Variants in WDR1 observed in about 807,000 individuals in gnomAD.
WDR1 encodes WD repeat-containing protein 1.
Under a neutral mutation model 71.9 loss-of-function variants are expected in WDR1, and 21 were observed. The ratio of observed to expected loss-of-function variants is 0.29; its 90% CI spans 0.21 to 0.42. The LOEUF is 0.42. WDR1 is among the 10% of genes least tolerant of loss of function. The pLI is 1.00. For missense variants in WDR1, 696 were observed against 824.5 expected (o/e 0.84, Z 1.91); for synonymous variants, 424 against 347.4 (o/e 1.22, Z -2.45).
intron 2 of WDR1, among the ~76,000 whole-genome samples, chr4:10,114,372 C>A (rs1713577603): frequency 6.6e-6 from 1 of 152,188 alleles, no homozygotes; most frequent in Non-Finnish European, 1.5e-5. Flanking sequence ...CCATTAGAAG[C>A]AGCTCCAGTT....
chr4:10,086,181 A>G (rs942411389), intron 8 of WDR1, among the ~76,000 whole-genome samples: 1 of 152,196 alleles, frequency 6.6e-6, no homozygotes, highest in African/African-American at 2.4e-5. Flanking sequence ...TCCCACTTGG[A>G]GGCCCACTGG....
At chr4:10,085,393 T>C (rs150506166) in intron 8 of WDR1, among the ~76,000 whole-genome samples, 2 of 152,334 alleles carry the variant, frequency 1.3e-5, no homozygotes, top group African/African-American at 4.8e-5. Flanking sequence ...GGGCAACGAA[T>C]GCAGCTACTT....
At chr4:10,112,660 G>A (rs887058987) in intron 2 of WDR1, among the ~76,000 whole-genome samples, 1 of 152,194 alleles carries the variant, frequency 6.6e-6, no homozygotes, top group African/African-American at 2.4e-5. Flanking sequence ...AGGTATGAAA[G>A]GCGATTCCAC....
At chr4:10,101,467 C>A (rs1356184803) in intron 3 of WDR1, among the ~76,000 whole-genome samples, 2 of 152,198 alleles carry the variant, frequency 1.3e-5, no homozygotes, top group Non-Finnish European at 2.9e-5. Context: ...TAAGCCTTAA[C>A]AATTGCTTCG....
Position 10,092,959 on chromosome 4 carries a change from C to G in WDR1, c.559-4218G>C, listed in dbSNP as rs1398074207. On this transcript the variant is annotated intron_variant, in intron 5 of 14. Coordinates refer to ENST00000499869, the MANE Select transcript of WDR1 (RefSeq NM_017491.5). ...ACTCCTGCCTGTCCTCCCTTGCAGC[C>G]AACACATAGCCAAGACTGACCTGTA... is the stretch of plus-strand genomic sequence containing the variant. 4.5e-6 allele frequency: 4 copies of G among 885,388 alleles called. No homozygotes were observed. In the East Asian group the frequency reaches 2.5e-4, roughly 55 times the overall value. 54.8% of individuals were successfully genotyped at this position (885,388 alleles called of 1,614,324 possible).
In WDR1 at chr4:10,075,121, G is replaced by T. The variant is rs1342962786; in HGVS notation, c.*257C>A. The stretch of plus-strand genomic sequence containing the variant: ...TTTCGCATTCTCAAGGTTTGGTTGG[G>T]CTGTGGGTTTTAGTTATGCTCCACA... On this transcript the variant is annotated 3_prime_UTR_variant, in exon 15 of 15. Coordinates refer to ENST00000499869, the MANE Select transcript of WDR1 (RefSeq NM_017491.5). 2 of 484,734 alleles carry T rather than the reference G, an allele frequency of 4.1e-6. No individual in the cohort carries two copies. The highest frequency in any genetic ancestry group is 7.3e-6 in the Non-Finnish European group (2 of 274,772). The allele number at this position is 484,734 out of a possible 1,614,324, so 30.0% of individuals were successfully genotyped here.
chr4:10,085,888 T>TG (rs1235794479), intron 8 of WDR1, among the ~76,000 whole-genome samples: 2 of 152,178 alleles, frequency 1.3e-5, no homozygotes, highest in Non-Finnish European at 2.9e-5. Context: ...AGTTGGGACA[T>TG]GGGGGTTTTG....
At position 10,087,769 on chromosome 4, in the gene WDR1, G is replaced by A. The variant is rs1230216857; in HGVS notation, c.889C>T (p.Leu297=). The A allele has an allele frequency of 1.2e-6, 2 of 1,602,206 alleles. No homozygotes were observed. Among genetic ancestry groups the A allele is most frequent in the South Asian group, 2.2e-5 (2 of 88,926 alleles). Residue 297 remains leucine (L), a synonymous_variant, in exon 8 of 15, where the codon CTG becomes TTG. Transcript: ENST00000499869. ...WQKDHLLSVS[L]SGYINYLDRN... is the part of the protein sequence containing the mutation. The stretch of plus-strand genomic sequence containing the variant: ...TCCAGATAGTTGATGTACCCGGACA[G>A]GGAGACACTGAGCAGGTGGTCCTTC...
chr4:10,115,117 AAAAC>A (rs1713630187), intron 2 of WDR1, among the ~76,000 whole-genome samples: 1 of 152,224 alleles, frequency 6.6e-6, no homozygotes, highest in African/African-American at 2.4e-5. Flanking sequence ...GGCATCAATC[AAAAC>A]ATACATCTTT....
At chr4:10,114,032 A>C (rs1259625647) in intron 2 of WDR1, among the ~76,000 whole-genome samples, 2 of 152,078 alleles carry the variant, frequency 1.3e-5, no homozygotes, top group Non-Finnish European at 2.9e-5. Context: ...GGTCATGCCA[A>C]TTCATGTCAC....
At chr4:10,087,419 C>G (rs775442377) in intron 8 of WDR1, among the ~76,000 whole-genome samples, 3 of 152,272 alleles carry the variant, frequency 2.0e-5, no homozygotes. Context: ...TAACCGCTCT[C>G]AACAGCTGGG....
rs770417448 is a variant in WDR1 at position 10,084,488 on chromosome 4, C to T, written c.994G>A (p.Gly332Ser). 5.6e-6 allele frequency: 9 copies of T among 1,613,798 alleles called. No individual in the cohort carries two copies. The highest frequency in any genetic ancestry group is 1.3e-5 in the African/African-American group (1 of 74,916). ...SIQCLTVHKN[G>S]GKSYIYSGSH... ...CCAGAGTAAATGTAGGACTTGCCGC[C>T]GTTTTTATGCACCGTCAGACACTGG... The change falls in exon 9 of 15, where the codon GGC becomes AGC. Residue 332 changes from glycine to serine, a missense_variant. Gly to Ser is a moderately conservative substitution (Grantham distance 56). Coordinates refer to ENST00000499869, the MANE Select transcript of WDR1 (RefSeq NM_017491.5).
chr4:10,080,264 C>G (rs762318518), intron 11 of WDR1, among the ~76,000 whole-genome samples: 1 of 152,230 alleles, frequency 6.6e-6, no homozygotes, highest in Non-Finnish European at 1.5e-5. Flanking sequence ...TCTGGAGACA[C>G]AGGGCACGCT....
chr4:10,113,782 T>C (rs1425417725), intron 2 of WDR1, among the ~76,000 whole-genome samples: 1 of 152,244 alleles, frequency 6.6e-6, no homozygotes, highest in Non-Finnish European at 1.5e-5. Context: ...AATTAAAATG[T>C]GGCGCAGTAG....
intron 9 of WDR1, among the ~76,000 whole-genome samples, chr4:10,083,829 G>A (rs984759238): frequency 3.9e-5 from 6 of 152,168 alleles, no homozygotes; most frequent in Non-Finnish European, 7.3e-5. Context: ...CCCATCATCA[G>A]GGAGAAACCA....
In WDR1 at chr4:10,074,871, A is replaced by G. The variant is rs140280208; in HGVS notation, c.*507T>C. ...GAGGTGGCGCTCTGAAGGCAGCCAC[A>G]AGGTGTGAGTCACACACTAGGGAGA... On this transcript the variant is annotated 3_prime_UTR_variant, in exon 15 of 15. Coordinates refer to ENST00000499869, the MANE Select transcript of WDR1 (RefSeq NM_017491.5). 5.3e-3 allele frequency: 829 copies of G among 156,922 alleles called. 7 individuals are homozygous for G. Among genetic ancestry groups the G allele is most frequent in the Middle Eastern group, 0.02 (6 of 306 alleles). 9.7% of individuals were successfully genotyped at this position (156,922 alleles called of 1,614,324 possible). A position where few individuals can be genotyped will look rare whatever the true frequency, so the allele number is the denominator to read the frequency against.
At position 10,103,978 on chromosome 4, in the gene WDR1, G is replaced by C; in HGVS notation, c.147C>G (p.Ala49=). 1 of 1,597,988 alleles carries C rather than the reference G, an allele frequency of 6.3e-7. No individual in the cohort carries two copies. Among genetic ancestry groups the C allele is most frequent in the African/African-American group, 1.3e-5 (1 of 74,332 alleles). ...CVILRNIDNP[A]LADIYTEHAH... is the part of the protein sequence containing the mutation. ...CGTGCTCTGTGTAGATGTCAGCAAG[G>C]GCTGGGTTCTGCAGGAGGAGACCCC... is the stretch of plus-strand genomic sequence containing the variant. The change falls in exon 3 of 15, where the codon GCC becomes GCG. Residue 49 remains alanine (A), a synonymous_variant. Coordinates refer to ENST00000499869, the MANE Select transcript of WDR1 (RefSeq NM_017491.5).
intron 1 of WDR1, 180 bp downstream of exon 1, chr4:10,116,471 A>G: frequency 1.5e-6 from 1 of 659,268 alleles, no homozygotes; most frequent in Non-Finnish European, 2.1e-6. Context: ...TTGGGGGCGC[A>G]CCCCCCGTCG....
intron 14 of WDR1, chr4:10,076,838 G>C (rs190321252): frequency 3.3e-3 from 548 of 164,790 alleles, no homozygotes; most frequent in Middle Eastern, 0.013. Context: ...TGGCCACGCG[G>C]GGACATCACA....
Sources: gnomAD v4.1 joint callset for allele counts (sites outside exome capture counted in the v4.1 genomes callset) on GRCh38, gnomAD v4.1.1 for gene constraint, MANE v1.5 for transcripts, NCBI Gene and HGNC (gene_info 2026-07-23, HGNC 2026-07-21) for gene names.